WWOX: variants seen among roughly 807,000 people sequenced by gnomAD.
WWOX encodes WW domain-containing oxidoreductase.
In WWOX, 69 loss-of-function variants were observed where a neutral mutation model predicts 46.2. That is an observed-to-expected ratio of 1.49 (90% CI 1.23 to 1.82). The LOEUF (loss-of-function observed/expected upper bound fraction) is 1.82. Among genes scored for constraint, WWOX ranks in the 40% most tolerant of loss-of-function variants. The probability of loss-of-function intolerance (pLI) is 0.00; values close to 1 mark genes in which losing one functional copy is unlikely to be tolerated. For missense variants in WWOX, 919 were observed against 542.6 expected, an observed-to-expected ratio of 1.69 and a Z score of -6.89; for synonymous variants, 359 against 202.6, an observed-to-expected ratio of 1.77 and a Z score of -6.56.
intron 8 of WWOX, among the ~76,000 whole-genome samples, chr16:78,511,296 G>A (rs553747508): frequency 2.0e-5 from 3 of 152,298 alleles, no homozygotes; most frequent in Non-Finnish European, 2.9e-5. Flanking sequence ...GCCTTTTAGC[G>A]GAGTTCACAG....
chr16:78,308,319 C>G (rs766370053), intron 5 of WWOX, among the ~76,000 whole-genome samples: 1 of 152,038 alleles, frequency 6.6e-6, no homozygotes, highest in African/African-American at 2.4e-5. Context: ...AAGGGGATTC[C>G]GAAATAAACC....
intron 8 of WWOX, among the ~76,000 whole-genome samples, chr16:79,030,244 G>C (rs1279926071): frequency 6.6e-6 from 1 of 152,158 alleles, no homozygotes; most frequent in Non-Finnish European, 1.5e-5. Context: ...AAACTTTTAT[G>C]ATTCTACTCT....
intron 8 of WWOX, among the ~76,000 whole-genome samples, chr16:78,669,524 G>T (rs530343899): frequency 9.2e-5 from 14 of 152,304 alleles, no homozygotes; most frequent in East Asian, 5.8e-4. Flanking sequence ...CAATCCATAG[G>T]ACAGTACCTA....
At chr16:78,724,314 T>C (rs925649230) in intron 8 of WWOX, among the ~76,000 whole-genome samples, 2 of 152,210 alleles carry the variant, frequency 1.3e-5, no homozygotes, top group Non-Finnish European at 2.9e-5. Flanking sequence ...ATCTCTGTGA[T>C]TAACTTGCAT....
chr16:78,677,179 C>T (rs1039094753), intron 8 of WWOX, among the ~76,000 whole-genome samples: 1 of 152,088 alleles, frequency 6.6e-6, no homozygotes, highest in Admixed American at 6.5e-5. Flanking sequence ...TGGGCAGGTG[C>T]ATGAGGGGGT....
At chr16:78,675,885 T>C (rs1300251921) in intron 8 of WWOX, among the ~76,000 whole-genome samples, 1 of 152,052 alleles carries the variant, frequency 6.6e-6, no homozygotes, top group African/African-American at 2.4e-5. Context: ...GGCATACTCA[T>C]TATAGAAAAT....
At chr16:78,863,843 CTATTGTACAATA>C (rs1266394951) in intron 8 of WWOX, among the ~76,000 whole-genome samples, 2 of 152,204 alleles carry the variant, frequency 1.3e-5, no homozygotes, top group Admixed American at 1.3e-4. Context: ...CCTATAAATG[CTATTGTACAATA>C]TATGGTCTTT....
intron 6 of WWOX, among the ~76,000 whole-genome samples, chr16:78,422,829 A>G (rs2082977001): frequency 8.6e-6 from 1 of 116,036 alleles, no homozygotes; most frequent in African/African-American, 3.7e-5. Context: ...ACACACACAT[A>G]TATATATATA....
intron 8 of WWOX, chr16:78,825,712 G>A (rs948035409): frequency 3.6e-6 from 2 of 558,966 alleles, no homozygotes; most frequent in South Asian, 1.7e-5. Flanking sequence ...TGAGGACAGA[G>A]GGTCAAATCC....
intron 8 of WWOX, among the ~76,000 whole-genome samples, chr16:79,073,341 G>A (rs1264452038): frequency 3.3e-5 from 5 of 151,786 alleles, no homozygotes; most frequent in East Asian, 1.9e-4. Context: ...CGCCATGCCC[G>A]GCTACTTTTT....
chr16:78,996,388 C>A (rs1261700608), intron 8 of WWOX: 29 of 866,832 alleles, frequency 3.3e-5, no homozygotes, highest in Non-Finnish European at 3.8e-5. Flanking sequence ...CCCCGCCCCC[C>A]AGCTTCCCCA....
intron 5 of WWOX, among the ~76,000 whole-genome samples, chr16:78,220,720 G>T (rs1345881997): frequency 1.3e-5 from 2 of 152,146 alleles, no homozygotes; most frequent in Non-Finnish European, 2.9e-5. Flanking sequence ...ACAAATGCTG[G>T]TATGACTAAC....
intron 8 of WWOX, among the ~76,000 whole-genome samples, chr16:78,921,841 C>G (rs971480572): frequency 1.4e-4 from 22 of 152,156 alleles, no homozygotes; most frequent in African/African-American, 4.3e-4. Context: ...AACCCATCCT[C>G]ATGGCTGATA....
At chr16:78,714,599 G>A (rs145202556) in intron 8 of WWOX, among the ~76,000 whole-genome samples, 1 of 152,256 alleles carries the variant, frequency 6.6e-6, no homozygotes, top group African/African-American at 2.4e-5. Context: ...ATAAAGGATG[G>A]CAAAAAGTCA....
At chr16:78,932,443 T>C (rs2045643864) in intron 8 of WWOX, among the ~76,000 whole-genome samples, 1 of 152,194 alleles carries the variant, frequency 6.6e-6, no homozygotes, top group Non-Finnish European at 1.5e-5. Context: ...CTTTTTCACT[T>C]TGCCCCTCAA....
chr16:78,680,889 A>T (rs551857827), intron 8 of WWOX, among the ~76,000 whole-genome samples: 4 of 151,980 alleles, frequency 2.6e-5, no homozygotes, highest in African/African-American at 9.7e-5. Context: ...AGTGGGAGGA[A>T]AGTTTGAGCC....
In WWOX at chr16:78,215,028, T is replaced by G. The variant is rs550243021; in HGVS notation, c.516+50739T>G. On this transcript the variant is annotated intron_variant, in intron 5 of 8. Coordinates refer to ENST00000566780, the MANE Select transcript of WWOX (RefSeq NM_016373.4). The stretch of plus-strand genomic sequence containing the variant: ...GCTGTTTAGCCAATATGGGCCAAAG[T>G]TCAGTGGTTTGAGACATGGCGGGGT... Among the ~76,000 whole-genome samples the G allele has an allele frequency of 2.6e-5, 4 of 152,260 alleles. No homozygotes were observed. The East Asian group carries it at 7.7e-4, about 29-fold the overall frequency.
intron 8 of WWOX, among the ~76,000 whole-genome samples, chr16:78,553,550 C>T (rs1237211398): frequency 2.0e-5 from 3 of 152,110 alleles, no homozygotes; most frequent in Non-Finnish European, 4.4e-5. Context: ...TGTCTACTAT[C>T]TCTAAGAATC....
At chr16:78,637,890 C>G (rs1207474885) in intron 8 of WWOX, among the ~76,000 whole-genome samples, 4 of 152,108 alleles carry the variant, frequency 2.6e-5, no homozygotes, top group African/African-American at 7.2e-5. Context: ...GTAATTGGTA[C>G]CAGCATCCCT....
Sources: gnomAD v4.1 joint callset for allele counts (sites outside exome capture counted in the v4.1 genomes callset) on GRCh38, gnomAD v4.1.1 for gene constraint, MANE v1.5 for transcripts, NCBI Gene and HGNC (gene_info 2026-07-23, HGNC 2026-07-21) for gene names.